The following VPS35L variants were observed in gnomAD, a reference collection of about 807,000 sequenced individuals.
The protein encoded by VPS35L is VPS35 endosomal protein-sorting factor-like.
A neutral mutation model predicts 133.0 loss-of-function variants in VPS35L; 83 were observed. The ratio of observed to expected loss-of-function variants is 0.62; its 90% confidence interval spans 0.52 to 0.75. The LOEUF (loss-of-function observed/expected upper bound fraction) is 0.75. Among genes scored for constraint, VPS35L ranks in the 30% least tolerant of loss-of-function variants. The pLI, the probability that VPS35L is intolerant of heterozygous loss-of-function variation, is 0.00. For synonymous variants in VPS35L, 423 were observed against 449.9 expected (o/e 0.94, Z 0.76); for missense variants, 1,083 against 1,206.8 (o/e 0.90, Z 1.52).
chr16:19,619,931 C>T (rs934719869), intron 14 of VPS35L, among the ~76,000 whole-genome samples: 2 of 152,060 alleles, frequency 1.3e-5, no homozygotes, highest in African/African-American at 4.8e-5. Context: ...CTGTGTGTAT[C>T]CATTAGAGGC....
At chr16:19,608,940 G>A in intron 10 of VPS35L, 34 bp from the exon 11 acceptor site, 2 of 1,602,748 alleles carry the variant, frequency 1.2e-6, no homozygotes, top group Non-Finnish European at 1.7e-6. Context: ...TAGACCTTCT[G>A]GAAAACATCT....
intron 17 of VPS35L, 108 bp downstream of exon 17, chr16:19,628,861 G>A (rs1469208441): frequency 2.4e-5 from 9 of 379,568 alleles, no homozygotes; most frequent in East Asian, 1.1e-4. Flanking sequence ...GCGCCATCTC[G>A]GCTCACTGCA....
chr16:19,600,382 A>G (rs568517517), intron 8 of VPS35L, among the ~76,000 whole-genome samples: 2 of 152,354 alleles, frequency 1.3e-5, no homozygotes, highest in East Asian at 1.9e-4. Context: ...TTGAAAATAC[A>G]TGCACAGAAT....
Position 19,582,374 on chromosome 16 carries a change from C to T in VPS35L, c.639+721C>T, listed in dbSNP as rs945576792. On this transcript the variant is annotated intron_variant, in intron 7 of 30. Transcript: ENST00000417362. ...TTAGTTCAAAAGGACAGATCCCATT[C>T]TCATTCCATGTTATGATAATGTGAC... is the stretch of plus-strand genomic sequence containing the variant. Among the ~76,000 whole-genome samples the T allele has an allele frequency of 5.9e-5, 9 of 152,206 alleles. No individual in the cohort carries two copies. The East Asian group carries it at 1.5e-3, about 26-fold the overall frequency.
intron 26 of VPS35L, among the ~76,000 whole-genome samples, chr16:19,660,694 G>A (rs1974454966): frequency 6.6e-6 from 1 of 152,130 alleles, no homozygotes; most frequent in Non-Finnish European, 1.5e-5. Flanking sequence ...TACTCTTGTA[G>A]GTCCTAGTTA....
At position 19,581,668 on chromosome 16, in the gene VPS35L, T is replaced by TCCCCCCCCCCCCCC. The variant is rs5816059; in HGVS notation, c.639+20_639+21insCCCCCCCCCCCCCC. ...TAGTCATCCAGGTTAGCTCTAGTGA[T>TCCCCCCCCCCCCCC]CCCCCACCCCCACCCAGAATTTCCT... is the stretch of plus-strand genomic sequence containing the variant. On this transcript the variant is annotated intron_variant, in intron 7 of 30. Coordinates refer to ENST00000417362, the MANE Select transcript of VPS35L (RefSeq NM_020314.7). 1.9e-6 allele frequency: 3 copies of TCCCCCCCCCCCCCC among 1,607,668 alleles called. No individual in the cohort carries two copies. Among genetic ancestry groups the TCCCCCCCCCCCCCC allele is most frequent in the African/African-American group, 1.4e-5 (1 of 72,920 alleles).
intron 26 of VPS35L, among the ~76,000 whole-genome samples, chr16:19,661,554 C>A (rs1485280191): frequency 6.6e-6 from 1 of 152,198 alleles, no homozygotes; most frequent in Non-Finnish European, 1.5e-5. Context: ...GAAGAGGCCC[C>A]AGAGCACGAT....
In VPS35L at chr16:19,637,662, T is replaced by C; in HGVS notation, c.1698+6T>C. 1 of 1,561,470 alleles carries C rather than the reference T, an allele frequency of 6.4e-7. No individual in the cohort carries two copies. On this transcript the variant is annotated splice_donor_region_variant and intron_variant, in intron 20 of 30. Transcript: ENST00000417362. ...TCTCAGTTCTTTTCTCAGTGGTAAG[T>C]AGGATTTCTTAATTATCTTTGGAAA...
intron 29 of VPS35L, among the ~76,000 whole-genome samples, chr16:19,698,136 TC>T (rs758685160): frequency 6.6e-6 from 1 of 152,290 alleles, no homozygotes; most frequent in East Asian, 1.9e-4. Flanking sequence ...CTGGCTGGGC[TC>T]TTATCAGGAG....
intron 8 of VPS35L, among the ~76,000 whole-genome samples, chr16:19,594,325 G>A (rs766623285): frequency 1.2e-4 from 19 of 152,116 alleles, no homozygotes; most frequent in Non-Finnish European, 2.9e-5. Flanking sequence ...CCACTAGGGA[G>A]GTGTCAGCAA....
rs201357929 is a variant in VPS35L at position 19,683,366 on chromosome 16, CAG to C, written c.2527+977_2527+978del. ...AGGAGGTATACGTGCAGGTTTGTGA[CAG>C]GGGTATATTGTGCAATGCTGAGGTT... On this transcript the variant is annotated intron_variant, in intron 28 of 30. Coordinates refer to ENST00000417362, the MANE Select transcript of VPS35L (RefSeq NM_020314.7). 1.1e-4 allele frequency among the ~76,000 whole-genome samples: 17 copies of C among 152,306 alleles called. No individual in the cohort carries two copies. The East Asian group carries it at 2.1e-3, about 19-fold the overall frequency.
intron 26 of VPS35L, among the ~76,000 whole-genome samples, chr16:19,666,908 CTTT>C (rs61404745): frequency 4.0e-4 from 33 of 82,740 alleles, no homozygotes; most frequent in African/African-American, 1.4e-3. Flanking sequence ...TTCTTTCTTT[CTTT>C]CTTTCTTTCT....
rs548297472 is a variant in VPS35L at position 19,662,169 on chromosome 16, A to G, written c.2222-6991A>G. ...AGTGAGCTATGACGGTACCACTGCA[A>G]TCCAGCCTGGGCAGCAGAGCAAGGC... On this transcript the variant is annotated intron_variant, in intron 26 of 30. Transcript: ENST00000417362. 7.9e-5 allele frequency among the ~76,000 whole-genome samples: 12 copies of G among 152,158 alleles called. No individual in the cohort carries two copies. In the East Asian group the frequency reaches 1.7e-3, roughly 22 times the overall value.
chr16:19,579,058 C>T lies in VPS35L; in HGVS notation c.440C>T (p.Ala147Val), dbSNP rs771613779. 6.2e-6 allele frequency: 10 copies of T among 1,613,922 alleles called. No homozygotes were observed. The highest frequency in any genetic ancestry group is 8.5e-6 in the Non-Finnish European group (10 of 1,180,018). ...GTAAATTCATTCTGTTTAGGCAAAGCTGGGACTGCCACATTGGCAATGTCA... is the reference window on the plus strand; with the variant it reads ...GTAAATTCATTCTGTTTAGGCAAAGTTGGGACTGCCACATTGGCAATGTCA... ...NLFMGSEKGK[A>V]GTATLAMSEK... Residue 147 changes from alanine to valine, a missense_variant, in exon 6 of 31, where the codon GCT becomes GTT. Physicochemically the swap from Ala to Val is moderately conservative, Grantham distance 64 (BLOSUM62 0). Transcript: ENST00000417362.
At chr16:19,635,209 G>T (rs984481449) in intron 19 of VPS35L, among the ~76,000 whole-genome samples, 1 of 152,018 alleles carries the variant, frequency 6.6e-6, no homozygotes, top group Non-Finnish European at 1.5e-5. Flanking sequence ...TTAGCCAGGT[G>T]TGGTGGTGCA....
chr16:19,652,186 CT>C, intron 26 of VPS35L, 96 bp downstream of exon 26: 3 of 909,598 alleles, frequency 3.3e-6, no homozygotes, highest in Non-Finnish European at 5.2e-6. Context: ...ACAAAGATTT[CT>C]TTTTTTAGAG....
Position 19,579,056 on chromosome 16 carries a change from A to C in VPS35L, c.438A>C (p.Lys146Asn), listed in dbSNP as rs745436890. The change falls in exon 6 of 31, where the codon AAA (lysine) becomes AAC (asparagine). Residue 146 changes from lysine (K) to asparagine (N), a missense_variant. Transcript: ENST00000417362. ...INLFMGSEKG[K>N]AGTATLAMSE... The stretch of plus-strand genomic sequence containing the variant: ...ACGTAAATTCATTCTGTTTAGGCAA[A>C]GCTGGGACTGCCACATTGGCAATGT... 12 of 1,613,954 alleles carry C rather than the reference A, an allele frequency of 7.4e-6. No homozygotes were observed. The Admixed American group carries it at 2.0e-4, about 27-fold the overall frequency.
intron 28 of VPS35L, among the ~76,000 whole-genome samples, chr16:19,684,548 G>A (rs529403306): frequency 6.0e-4 from 92 of 152,294 alleles, no homozygotes; most frequent in African/African-American, 2.1e-3. Flanking sequence ...CACTTACTGC[G>A]TGCCAAGGAC....
chr16:19,664,763 G>A (rs908446962), intron 26 of VPS35L, among the ~76,000 whole-genome samples: 8 of 151,848 alleles, frequency 5.3e-5, no homozygotes, highest in East Asian at 1.9e-4. Flanking sequence ...AGCCTGGCAC[G>A]GTGGCATGTG....
Sources: allele counts gnomAD v4.1 joint callset (sites outside exome capture counted in the v4.1 genomes callset), GRCh38; gene constraint gnomAD v4.1.1; transcripts MANE v1.5; gene names NCBI Gene and HGNC (gene_info 2026-07-23, HGNC 2026-07-21).